Variants in DNAH17 observed in about 807,000 individuals in gnomAD.
DNAH17 encodes the protein axonemal beta dynein heavy chain 17.
In DNAH17, 376 loss-of-function variants were observed where a neutral mutation model predicts 485.6. That is an observed-to-expected ratio of 0.77 (90% confidence interval 0.71 to 0.84). The LOEUF (loss-of-function observed/expected upper bound fraction) is 0.84. Ranked by LOEUF, DNAH17 falls within the 40% of genes least tolerant of loss-of-function variation. The pLI, the probability that DNAH17 is intolerant of heterozygous loss-of-function variation, is 0.00. For synonymous variants in DNAH17, 3,031 were observed against 2,405.9 expected (o/e 1.26, Z -7.60); for missense variants, 6,370 against 5,839.3 (o/e 1.09, Z -2.96).
At chr17:78,544,927 T>C (rs1321847871) in intron 16 of DNAH17, among the ~76,000 whole-genome samples, 1 of 151,992 alleles carries the variant, frequency 6.6e-6, no homozygotes, top group Admixed American at 6.5e-5. Flanking sequence ...ACATATATGG[T>C]AACAAAACAC....
Position 78,463,175 on chromosome 17 carries a change from C to T in DNAH17, c.8941-98G>A, listed in dbSNP as rs1007228911. 3.7e-6 allele frequency: 4 copies of T among 1,093,858 alleles called. No homozygotes were observed. The South Asian group carries it at 5.8e-5, about 16-fold the overall frequency. The allele number at this position is 1,093,858 out of a possible 1,614,324, so 67.8% of individuals were successfully genotyped here. On this transcript the variant is annotated intron_variant, in intron 56 of 80. Coordinates refer to ENST00000389840, the MANE Select transcript of DNAH17 (RefSeq NM_173628.4). ...CACCAGGGGCCCTGGACAAGGTGCC[C>T]TGAGACCGCTCTCAACCTCAGTGTC...
intron 16 of DNAH17, 83 bp from the exon 17 acceptor site, chr17:78,544,080 T>G (rs924544400): frequency 6.3e-7 from 1 of 1,587,634 alleles, no homozygotes; most frequent in South Asian, 1.1e-5. Context: ...GCTTTTGATG[T>G]GAGTTTCGTC....
intron 6 of DNAH17, 46 bp from the exon 7 acceptor site, chr17:78,570,418 C>A: frequency 2.5e-6 from 4 of 1,581,138 alleles, no homozygotes; most frequent in Non-Finnish European, 3.4e-6. Flanking sequence ...CTGGCCGCTG[C>A]ACCTTATCCC....
chr17:78,571,081 C>T, intron 5 of DNAH17, 48 bp from the exon 6 acceptor site: 1 of 1,520,470 alleles, frequency 6.6e-7, no homozygotes, highest in Non-Finnish European at 8.9e-7. Context: ...GCAGAAATTG[C>T]TCAGAAACGA....
At chr17:78,457,763 T>TGA (rs1345269832) in intron 62 of DNAH17, among the ~76,000 whole-genome samples, 2 of 149,292 alleles carry the variant, frequency 1.3e-5, no homozygotes, top group African/African-American at 4.9e-5. Flanking sequence ...TGGGTTCAGG[T>TGA]GATTCTCCTC....
At chr17:78,460,370 ATGAG>A (rs2088051697) in intron 58 of DNAH17, 113 bp from the exon 59 acceptor site, 4 of 366,096 alleles carry the variant, frequency 1.1e-5, no homozygotes, top group Admixed American at 9.1e-5. Flanking sequence ...ATGCACGTGC[ATGAG>A]TGTATGTGTG....
rs748917704 is a variant in DNAH17 at position 78,475,451 on chromosome 17, C to T, written c.8338G>A (p.Val2780Met). 3.2e-5 allele frequency: 52 copies of T among 1,613,706 alleles called. No homozygotes were observed. Among genetic ancestry groups the T allele is most frequent in the South Asian group, 2.7e-4 (25 of 91,068 alleles). ...CGATTAATCCTGCAGATGTGAGCCACGGCGTCCTCAAACAGCACCTGCAGA... is the reference window on the plus strand; with the variant it reads ...CGATTAATCCTGCAGATGTGAGCCATGGCGTCCTCAAACAGCACCTGCAGA... ...VMNLVLFEDAVAHICRINRIL... is the reference protein window; with the variant it reads ...VMNLVLFEDAMAHICRINRIL... Residue 2780 changes from valine to methionine, a missense_variant, in exon 54 of 81, where the codon GTG (valine) becomes ATG (methionine). Physicochemically the swap from Val to Met is conservative, Grantham distance 21 (BLOSUM62 1). Coordinates refer to ENST00000389840, the MANE Select transcript of DNAH17 (RefSeq NM_173628.4).
At chr17:78,464,575 T>C (rs1187669952) in intron 56 of DNAH17, among the ~76,000 whole-genome samples, 1 of 152,240 alleles carries the variant, frequency 6.6e-6, no homozygotes, top group East Asian at 1.9e-4. Context: ...GCACCATCTT[T>C]CAATGAAAAG....
chr17:78,542,564 G>A (rs913813080), intron 17 of DNAH17, among the ~76,000 whole-genome samples: 1 of 152,206 alleles, frequency 6.6e-6, no homozygotes, highest in Non-Finnish European at 1.5e-5. Context: ...TACCAAGTGA[G>A]GAGGATATGA....
At chr17:78,465,971 G>A (rs914607196) in intron 56 of DNAH17, among the ~76,000 whole-genome samples, 15 of 152,328 alleles carry the variant, frequency 9.8e-5, no homozygotes, top group Middle Eastern at 3.4e-3. Flanking sequence ...TGACAGTGGC[G>A]GCTTTGTGGA....
At chr17:78,515,149 C>G in intron 25 of DNAH17, 127 bp from the exon 26 acceptor site, 1 of 1,092,412 alleles carries the variant, frequency 9.2e-7, no homozygotes, top group African/African-American at 1.6e-5. Context: ...GAACTAATAC[C>G]CGAGATCAGT....
intron 2 of DNAH17, among the ~76,000 whole-genome samples, chr17:78,574,474 G>A (rs1342757259): frequency 2.0e-5 from 3 of 151,702 alleles, no homozygotes; most frequent in Non-Finnish European, 2.9e-5. Flanking sequence ...CTGCACTCCA[G>A]CCTGGGAAGC....
At chr17:78,571,217 C>A in intron 5 of DNAH17, 62 bp downstream of exon 5, 1 of 1,477,412 alleles carries the variant, frequency 6.8e-7, no homozygotes, top group South Asian at 1.2e-5. Flanking sequence ...CAAGTCTGAC[C>A]CAGCCCTCCC....
At chr17:78,477,943 C>CACACCACCATCATT (rs1319895456) in intron 51 of DNAH17, among the ~76,000 whole-genome samples, 1 of 149,776 alleles carries the variant, frequency 6.7e-6, no homozygotes, top group East Asian at 1.9e-4. Context: ...TCACCACCAT[C>CACACCACCATCATT]ACCATTATCA....
Position 78,425,682 on chromosome 17 carries a change from A to G in DNAH17, c.12916-111T>C, listed in dbSNP as rs371924935. The stretch of plus-strand genomic sequence containing the variant: ...CGCCAGAACCTTCCACGGGCCACTC[A>G]GCGAGCTAGAAGTGCTGGACAGAGT... On this transcript the variant is annotated intron_variant, in intron 79 of 80. Transcript: ENST00000389840. The G allele has an allele frequency of 2.0e-5, 19 of 966,858 alleles. 1 individual carries two copies. The highest frequency in any genetic ancestry group is 1.6e-4 in the East Asian group (6 of 37,622). 59.9% of individuals were successfully genotyped at this position (966,858 alleles called of 1,614,324 possible). A position where few individuals can be genotyped will look rare whatever the true frequency, so the allele number is the denominator to read the frequency against.
chr17:78,461,788 G>T, intron 57 of DNAH17, 80 bp from the exon 58 acceptor site: 1 of 1,422,518 alleles, frequency 7.0e-7, no homozygotes, highest in Non-Finnish European at 9.4e-7. Flanking sequence ...GACGAGGGCT[G>T]GGAGCCACAG....
Position 78,475,296 on chromosome 17 carries a change from G to A in DNAH17, c.8493C>T (p.Tyr2831=), listed in dbSNP as rs964979239. Reference sequence around the variant, plus strand: ...CTCTCACCTTGAGGTCGGGGATCCCGTAGCCCTTCTTGAGGGTGATCTGAA... The same window carrying A: ...CTCTCACCTTGAGGTCGGGGATCCCATAGCCCTTCTTGAGGGTGATCTGAA... ...DVFQITLKKG[Y]GIPDLKIDLA... Residue 2831 remains tyrosine (Y), a synonymous_variant, in exon 54 of 81, where the codon TAC becomes TAT. Transcript: ENST00000389840. 21 of 1,613,850 alleles carry A rather than the reference G, an allele frequency of 1.3e-5. No individual in the cohort carries two copies. Among genetic ancestry groups the A allele is most frequent in the Middle Eastern group, 3.3e-4 (2 of 6,084 alleles).
chr17:78,483,401 G>A (rs1490227482), intron 48 of DNAH17, among the ~76,000 whole-genome samples: 6 of 152,158 alleles, frequency 3.9e-5, no homozygotes, highest in East Asian at 1.9e-4. Context: ...AGCCCGAGGC[G>A]GGCAGATCAC....
intron 74 of DNAH17, among the ~76,000 whole-genome samples, chr17:78,435,795 A>G (rs1387179141): frequency 2.0e-5 from 3 of 152,162 alleles, no homozygotes. Flanking sequence ...ATGGCCCCAT[A>G]GCACCGTGTG....
Sources: allele counts gnomAD v4.1 joint callset (sites outside exome capture counted in the v4.1 genomes callset), GRCh38; gene constraint gnomAD v4.1.1; transcripts MANE v1.5; gene names NCBI Gene and HGNC (gene_info 2026-07-23, HGNC 2026-07-21).